Variants in ZC3H12B observed in about 807,000 individuals in gnomAD.
ZC3H12B encodes zinc finger CCCH-type containing 12B.
ZC3H12B carries 7 observed loss-of-function variants against 43.9 expected under a neutral mutation model. That is an observed-to-expected ratio of 0.16 (90% CI 0.09 to 0.30). The LOEUF (loss-of-function observed/expected upper bound fraction) is 0.30, where lower values mean the gene tolerates loss of function less well. ZC3H12B is among the 10% of genes least tolerant of loss of function. The pLI is 1.00. For synonymous variants in ZC3H12B, 222 were observed against 241.7 expected, an observed-to-expected ratio of 0.92 and a Z score of 0.76; for missense variants, 475 against 670.2, an observed-to-expected ratio of 0.71 and a Z score of 3.22.
At chrX:65,476,281 T>G (rs866140163) in intron 3 of ZC3H12B, among the ~76,000 whole-genome samples, 2 of 112,029 alleles carry the variant, frequency 1.8e-5, no homozygotes, top group Non-Finnish European at 3.8e-5. Context: ...CACGCAGACT[T>G]TCTTCAGTCT....
At chrX:65,177,732 T>A in the ZC3H12B span, among the ~76,000 whole-genome samples, 1 of 111,699 alleles carries the variant, frequency 9.0e-6, no homozygotes, top group East Asian at 2.8e-4. Flanking sequence ...ATGAAGGACC[T>A]CTTCAAGGAG....
chrX:65,131,057 TG>T, the ZC3H12B span, among the ~76,000 whole-genome samples: 1 of 111,826 alleles, frequency 8.9e-6, no homozygotes, highest in Non-Finnish European at 1.9e-5. Context: ...AACAGCACAG[TG>T]GTGCAGGATA....
At chrX:65,201,201 T>A in the ZC3H12B span, among the ~76,000 whole-genome samples, 1 of 111,883 alleles carries the variant, frequency 8.9e-6, no homozygotes, top group Non-Finnish European at 1.9e-5. Flanking sequence ...GTTGGTAGGC[T>A]ATTTACTACC....
At chrX:65,284,884 C>G in the ZC3H12B span, among the ~76,000 whole-genome samples, 701 of 110,728 alleles carry the variant, frequency 6.3e-3, 1 homozygote, top group Non-Finnish European at 0.011. Context: ...ATGGATGAAA[C>G]CATGTAGAAG....
chrX:65,250,383 G>A, the ZC3H12B span, among the ~76,000 whole-genome samples: 1 of 111,714 alleles, frequency 9.0e-6, no homozygotes, highest in South Asian at 3.7e-4. Flanking sequence ...TGTGAATAGT[G>A]CCACAATAAA....
chrX:65,371,087 A>AATAG (rs2066238381), intron 2 of ZC3H12B, among the ~76,000 whole-genome samples: 1 of 112,026 alleles, frequency 8.9e-6, no homozygotes, highest in Non-Finnish European at 1.9e-5. Flanking sequence ...TCTTAATTTT[A>AATAG]ATAGAAAGAT....
intron 2 of ZC3H12B, among the ~76,000 whole-genome samples, chrX:65,374,240 T>C (rs1344918502): frequency 3.7e-5 from 3 of 82,160 alleles, no homozygotes; most frequent in African/African-American, 1.7e-4. Flanking sequence ...TATAGTAATA[T>C]ATATTATATA....
At chrX:65,256,703 G>A in the ZC3H12B span, among the ~76,000 whole-genome samples, 2 of 111,234 alleles carry the variant, frequency 1.8e-5, no homozygotes, top group Admixed American at 9.6e-5. Context: ...CTGAAATGAA[G>A]GATATTGAGA....
At chrX:65,507,801 A>ATAAT (rs1197826335) in exon 5 of ZC3H12B, 1 of 112,488 alleles carries the variant, frequency 8.9e-6, no homozygotes, top group African/African-American at 3.2e-5. Context: ...TGTTTCACCT[A>ATAAT]TAATTGTGAT....
the ZC3H12B span, among the ~76,000 whole-genome samples, chrX:65,340,529 G>A: frequency 8.9e-6 from 1 of 111,815 alleles, no homozygotes; most frequent in Admixed American, 9.5e-5. Context: ...AGGAGCCAAA[G>A]AACAAAATTA....
rs1199951007 is a variant in ZC3H12B, at chrX:65,406,854, T to G, written n.407+8150T>G. Among the ~76,000 whole-genome samples, 4 of 112,422 alleles carry G rather than the reference T, an allele frequency of 3.6e-5. No homozygotes were observed. The East Asian group carries it at 8.6e-4, about 24-fold the overall frequency. ...GGGACCCGCGCCACCAGCCCGGACC[T>G]CCGTCGTCCCGCGGCGACCAAAATC... is the stretch of plus-strand genomic sequence containing the variant. On this transcript the variant is annotated intron_variant and non_coding_transcript_variant, in intron 3 of 5. Transcript: ENST00000617377.
the ZC3H12B span, among the ~76,000 whole-genome samples, chrX:65,190,333 A>C: frequency 9.0e-6 from 1 of 111,193 alleles, no homozygotes; most frequent in East Asian, 2.8e-4. Flanking sequence ...AATTCTGTGA[A>C]GAAAGTCATT....
chrX:65,130,713 G>A, the ZC3H12B span, among the ~76,000 whole-genome samples: 2 of 111,959 alleles, frequency 1.8e-5, no homozygotes, highest in Non-Finnish European at 3.8e-5. Context: ...CTGTGAGGCT[G>A]GAAGGAGATA....
At chrX:65,173,022 G>A in the ZC3H12B span, among the ~76,000 whole-genome samples, 5 of 111,777 alleles carry the variant, frequency 4.5e-5, no homozygotes, top group South Asian at 7.4e-4. Context: ...GGGCAGTATG[G>A]CCAATTTCAC....
upstream of ZC3H12B, among the ~76,000 whole-genome samples, chrX:65,485,854 T>A (rs1398366712): frequency 8.9e-6 from 1 of 112,145 alleles, no homozygotes; most frequent in Non-Finnish European, 1.9e-5. Context: ...CTTAGCCAGT[T>A]TATAATTATG....
chrX:65,170,786 A>G, the ZC3H12B span, among the ~76,000 whole-genome samples: 1 of 111,473 alleles, frequency 9.0e-6, no homozygotes, highest in South Asian at 3.8e-4. Flanking sequence ...CATTCATTTG[A>G]TCTTCAATCA....
At chrX:65,438,787 G>C (rs2067260719) in intron 3 of ZC3H12B, among the ~76,000 whole-genome samples, 1 of 113,348 alleles carries the variant, frequency 8.8e-6, no homozygotes, top group South Asian at 3.5e-4. Context: ...GCCCTGGGCG[G>C]GCCAGGTGTT....
chrX:65,331,648 C>T, the ZC3H12B span, among the ~76,000 whole-genome samples: 1 of 110,264 alleles, frequency 9.1e-6, no homozygotes, highest in African/African-American at 3.3e-5. Context: ...AGAATGGCTA[C>T]TCTATAAGCA....
the ZC3H12B span, among the ~76,000 whole-genome samples, chrX:65,345,751 G>T: frequency 2.7e-5 from 3 of 111,846 alleles, no homozygotes; most frequent in East Asian, 8.4e-4. Context: ...AAATCTCTTA[G>T]AACTGATAAA....
Sources: allele counts gnomAD v4.1 joint callset (sites outside exome capture counted in the v4.1 genomes callset), GRCh38; gene constraint gnomAD v4.1.1; transcripts MANE v1.5; gene names NCBI Gene and HGNC (gene_info 2026-07-23, HGNC 2026-07-21).